Variants in C12orf42 observed in about 807,000 individuals in gnomAD.
C12orf42 encodes the protein uncharacterized protein C12orf42.
In C12orf42, 25 loss-of-function variants were observed where a neutral mutation model predicts 21.6. That is an observed-to-expected ratio of 1.16 (90% CI 0.84 to 1.62). The LOEUF (loss-of-function observed/expected upper bound fraction) is 1.62. Ranked by LOEUF, C12orf42 falls within the 40% of genes most tolerant of loss-of-function variation. C12orf42 has a pLI of 0.00. For missense variants in C12orf42, 483 were observed against 459.3 expected (o/e 1.05, Z -0.47); for synonymous variants, 174 against 175.0 (o/e 0.99, Z 0.05).
At chr12:103,453,967 C>T (rs146383513) in intron 2 of C12orf42, among the ~76,000 whole-genome samples, 1 of 152,184 alleles carries the variant, frequency 6.6e-6, no homozygotes, top group Non-Finnish European at 1.5e-5. Flanking sequence ...CAATTTTAAA[C>T]ACCTGGATAA....
upstream of C12orf42, among the ~76,000 whole-genome samples, chr12:103,496,166 A>G (rs1266886430): frequency 2.0e-5 from 3 of 152,166 alleles, no homozygotes; most frequent in Non-Finnish European, 4.4e-5. Flanking sequence ...CAGAATATGA[A>G]TGGCACCTGT....
intron 5 of C12orf42, among the ~76,000 whole-genome samples, chr12:103,276,334 A>G (rs1464257860): frequency 6.6e-5 from 10 of 152,142 alleles, no homozygotes; most frequent in Admixed American, 6.5e-4. Context: ...TGACTCCCAT[A>G]ATTATTATTC....
In C12orf42 at chr12:103,359,007, A is replaced by T. The variant is rs1041570098; in HGVS notation, c.259+9880T>A. On this transcript the variant is annotated intron_variant, in intron 4 of 5. Coordinates refer to ENST00000548883, the MANE Select transcript of C12orf42 (RefSeq NM_198521.5). ...GGACCCTACTTGACTCTTAATCTCA[A>T]ATCACGCTACTCTTTTCCTTCTTCT... Among the ~76,000 whole-genome samples, 57 of 151,936 alleles carry T rather than the reference A, an allele frequency of 3.8e-4. 1 individual carries two copies. The highest frequency in any genetic ancestry group is 5.9e-5 in the Non-Finnish European group (4 of 67,962).
At chr12:103,522,572 C>T in the C12orf42 span, among the ~76,000 whole-genome samples, 1 of 152,142 alleles carries the variant, frequency 6.6e-6, no homozygotes, top group East Asian at 1.9e-4. Context: ...GATAACATTC[C>T]ATAGGGCACT....
intron 2 of C12orf42, among the ~76,000 whole-genome samples, chr12:103,430,498 C>A (rs1202582309): frequency 6.6e-6 from 1 of 152,202 alleles, no homozygotes; most frequent in Non-Finnish European, 1.5e-5. Context: ...AAAAGGAACA[C>A]TTTTACACTG....
chr12:103,370,131 G>T (rs755940406), intron 3 of C12orf42, among the ~76,000 whole-genome samples: 1 of 152,096 alleles, frequency 6.6e-6, no homozygotes, highest in Non-Finnish European at 1.5e-5. Flanking sequence ...ATGAAAAAAT[G>T]CTCAACATCA....
the C12orf42 span, among the ~76,000 whole-genome samples, chr12:103,509,889 A>G: frequency 2.6e-5 from 4 of 152,330 alleles, no homozygotes; most frequent in East Asian, 7.7e-4. Flanking sequence ...AAAAGGGAAC[A>G]CTTCTACACT....
chr12:103,302,611 A>G, intron 5 of C12orf42, 52 bp from the exon 6 acceptor site: 1 of 1,441,912 alleles, frequency 6.9e-7, no homozygotes, highest in East Asian at 2.3e-5. Flanking sequence ...AGCGTGCGGG[A>G]CCACACCGCA....
chr12:103,240,838 A>T (rs1484815939), intron 10 of C12orf42, among the ~76,000 whole-genome samples: 1 of 152,172 alleles, frequency 6.6e-6, no homozygotes, highest in Non-Finnish European at 1.5e-5. Context: ...GAAGTCAGGG[A>T]CTGTGGCTTT....
chr12:103,162,087 C>T, the C12orf42 span, among the ~76,000 whole-genome samples: 1 of 152,144 alleles, frequency 6.6e-6, no homozygotes, highest in Admixed American at 6.6e-5. Context: ...TTGCTCTTCC[C>T]CAACATTGGC....
intron 4 of C12orf42, among the ~76,000 whole-genome samples, chr12:103,322,446 GT>G (rs1387689064): frequency 6.6e-6 from 1 of 152,070 alleles, no homozygotes; most frequent in African/African-American, 2.4e-5. Context: ...ATATTTCACT[GT>G]TTTCACTGCA....
At chr12:103,345,139 C>G (rs2042504991) in intron 4 of C12orf42, among the ~76,000 whole-genome samples, 1 of 152,180 alleles carries the variant, frequency 6.6e-6, no homozygotes, top group East Asian at 1.9e-4. Flanking sequence ...TTAATTATAC[C>G]CCTCATAAGG....
the C12orf42 span, among the ~76,000 whole-genome samples, chr12:103,539,637 T>A: frequency 0.029 from 4,428 of 152,172 alleles, 76 homozygotes; most frequent in Non-Finnish European, 0.043. Flanking sequence ...TGGAGTGCAG[T>A]GGCACAATCT....
chr12:103,128,864 T>A, the C12orf42 span, among the ~76,000 whole-genome samples: 2 of 152,226 alleles, frequency 1.3e-5, no homozygotes, highest in African/African-American at 4.8e-5. Flanking sequence ...AATTACTAGC[T>A]TGTTAGAGGG....
intron 2 of C12orf42, among the ~76,000 whole-genome samples, chr12:103,439,953 G>T (rs981963942): frequency 8.0e-5 from 12 of 149,826 alleles, no homozygotes; most frequent in African/African-American, 2.7e-4. Context: ...AAAGACACAT[G>T]CACACGTATG....
the C12orf42 span, among the ~76,000 whole-genome samples, chr12:103,130,791 G>C: frequency 1.3e-5 from 2 of 152,178 alleles, no homozygotes; most frequent in African/African-American, 4.8e-5. Context: ...ATCCTGGAAG[G>C]CTGTGTGACC....
At chr12:103,403,388 A>G (rs970100133) in intron 2 of C12orf42, among the ~76,000 whole-genome samples, 11 of 152,050 alleles carry the variant, frequency 7.2e-5, no homozygotes, top group African/African-American at 2.2e-4. Flanking sequence ...AAAAAAAAAA[A>G]AAAGAAAAAG....
the C12orf42 span, among the ~76,000 whole-genome samples, chr12:103,192,138 T>C: frequency 6.6e-6 from 1 of 152,042 alleles, no homozygotes; most frequent in African/African-American, 2.4e-5. Context: ...AATAGTTACA[T>C]CAATAATTAA....
upstream of C12orf42, among the ~76,000 whole-genome samples, chr12:103,500,689 G>A (rs138001253): frequency 7.8e-4 from 119 of 152,330 alleles, 1 homozygote; most frequent in African/African-American, 2.5e-3. Flanking sequence ...GTATTGTGTT[G>A]TGCATGTTAG....
Sources: gnomAD v4.1 joint callset for allele counts (sites outside exome capture counted in the v4.1 genomes callset) on GRCh38, gnomAD v4.1.1 for gene constraint, MANE v1.5 for transcripts, NCBI Gene and HGNC (gene_info 2026-07-23, HGNC 2026-07-21) for gene names.